The following GLG1 variants were observed in gnomAD, a reference collection of about 807,000 sequenced individuals.
GLG1 encodes golgi glycoprotein 1.
A neutral mutation model predicts 160.5 loss-of-function variants in GLG1; 38 were observed. The ratio of observed to expected loss-of-function variants is 0.24; its 90% CI spans 0.18 to 0.31. GLG1 has a LOEUF of 0.31. Ranked by LOEUF, GLG1 falls within the 10% of genes least tolerant of loss-of-function variation. GLG1 has a pLI of 1.00. For missense variants in GLG1, 1,373 were observed against 1,505.2 expected (o/e 0.91, Z 1.45); for synonymous variants, 644 against 543.4 (o/e 1.19, Z -2.57).
intron 1 of GLG1, among the ~76,000 whole-genome samples, chr16:74,596,098 G>A (rs1958295954): frequency 6.6e-6 from 1 of 152,112 alleles, no homozygotes; most frequent in South Asian, 2.1e-4. Flanking sequence ...TCCTTTGATA[G>A]GCAGTATTCC....
intron 1 of GLG1, among the ~76,000 whole-genome samples, chr16:74,598,792 G>A (rs979581001): frequency 2.0e-5 from 3 of 151,718 alleles, no homozygotes; most frequent in Non-Finnish European, 2.9e-5. Context: ...GCTGAGGCAG[G>A]AGAATGGCTT....
chr16:74,466,962 G>C (rs907959123), intron 18 of GLG1, among the ~76,000 whole-genome samples: 2 of 152,222 alleles, frequency 1.3e-5, no homozygotes, highest in Non-Finnish European at 2.9e-5. Context: ...AAAGAGCAAT[G>C]ACTGAGAATG....
rs574991441 is a variant in GLG1 at position 74,486,045 on chromosome 16, G to T, written c.1450-128C>A. Reference sequence around the variant, plus strand: ...TACTCCAATAAAGTTGTCTACAGTTGTCACTAGCCAAGCTCAAGAGCATTT... The same window carrying T: ...TACTCCAATAAAGTTGTCTACAGTTTTCACTAGCCAAGCTCAAGAGCATTT... On this transcript the variant is annotated intron_variant, in intron 8 of 25. Transcript: ENST00000422840. 5 of 661,588 alleles carry T rather than the reference G, an allele frequency of 7.6e-6. 1 individual carries two copies. Among genetic ancestry groups the T allele is most frequent in the Non-Finnish European group, 1.3e-5 (5 of 393,732 alleles). 41.0% of individuals were successfully genotyped at this position (661,588 alleles called of 1,614,324 possible).
chr16:74,496,084 C>T (rs183872298), intron 5 of GLG1, among the ~76,000 whole-genome samples: 3 of 152,246 alleles, frequency 2.0e-5, no homozygotes, highest in Non-Finnish European at 4.4e-5. Context: ...GGCAATACAG[C>T]AATGCCCCAT....
chr16:74,453,453 G>A lies in GLG1; in HGVS notation c.3373-119C>T, dbSNP rs968775136. On this transcript the variant is annotated intron_variant, in intron 25 of 25. Coordinates refer to ENST00000422840, the MANE Select transcript of GLG1 (RefSeq NM_001145667.2). Reference sequence around the variant, plus strand: ...TTATGTCTTTTCTTTTGGAGAGGGAGGGCAGGAGATAAGAAAAATCAACAC... The same window carrying A: ...TTATGTCTTTTCTTTTGGAGAGGGAAGGCAGGAGATAAGAAAAATCAACAC... The A allele has an allele frequency of 1.7e-4, 109 of 646,632 alleles. 1 individual carries two copies. Among genetic ancestry groups the A allele is most frequent in the African/African-American group, 1.6e-3 (89 of 54,556 alleles). 40.1% of individuals were successfully genotyped at this position (646,632 alleles called of 1,614,324 possible). A position where few individuals can be genotyped will look rare whatever the true frequency, so the allele number is the denominator to read the frequency against.
rs373268700 is a variant in GLG1 at position 74,554,396 on chromosome 16, C to T, written c.439-22243G>A. ...TAAAAATACAAAAATTAGCTAGGCG[C>T]GGTGGTGGGCGCCTGTAACCCCAGG... is the stretch of plus-strand genomic sequence containing the variant. On this transcript the variant is annotated intron_variant, in intron 1 of 25. Transcript: ENST00000422840. 3.7e-4 allele frequency among the ~76,000 whole-genome samples: 56 copies of T among 152,246 alleles called. No homozygotes were observed. In the East Asian group the frequency reaches 8.5e-3, roughly 23 times the overall value.
intron 1 of GLG1, among the ~76,000 whole-genome samples, chr16:74,603,988 A>C (rs1958505165): frequency 6.6e-6 from 1 of 151,818 alleles, no homozygotes; most frequent in Non-Finnish European, 1.5e-5. Flanking sequence ...GAGCGTTAAA[A>C]AAAAAAAAAA....
intron 1 of GLG1, among the ~76,000 whole-genome samples, chr16:74,590,768 G>A (rs1395121674): frequency 1.4e-5 from 2 of 142,096 alleles, no homozygotes; most frequent in East Asian, 4.1e-4. Flanking sequence ...CTGTACTCCA[G>A]CCTGGGCAAC....
In GLG1 at chr16:74,456,775, A is replaced by G. The variant is rs748760801; in HGVS notation, c.3266-20T>C. On this transcript the variant is annotated intron_variant, in intron 24 of 25. Coordinates refer to ENST00000422840, the MANE Select transcript of GLG1 (RefSeq NM_001145667.2). ...ACATTTCTGTGGGAGGAAATGAATA[A>G]TAAGAAGAACCTGAAACTGTACAGA... 4.3e-6 allele frequency: 6 copies of G among 1,401,844 alleles called. No individual in the cohort carries two copies. The Admixed American group carries it at 5.0e-5, about 12-fold the overall frequency. The allele number at this position is 1,401,844 out of a possible 1,614,324, so 86.8% of individuals were successfully genotyped here.
intron 5 of GLG1, 83 bp downstream of exon 5, chr16:74,496,358 A>C: frequency 1.0e-6 from 1 of 989,716 alleles, no homozygotes. Flanking sequence ...CTCTCAAAAA[A>C]CAACACAATT....
chr16:74,457,106 G>T (rs552041197), intron 24 of GLG1, among the ~76,000 whole-genome samples: 33 of 152,206 alleles, frequency 2.2e-4, no homozygotes, highest in South Asian at 6.2e-4. Flanking sequence ...AAATTAAAAC[G>T]AAAACAGGCT....
intron 1 of GLG1, among the ~76,000 whole-genome samples, chr16:74,576,343 G>C (rs988992411): frequency 1.3e-5 from 2 of 152,068 alleles, no homozygotes; most frequent in Non-Finnish European, 2.9e-5. Context: ...AGAGAATACA[G>C]CCAAACATTT....
chr16:74,519,548 CTA>C (rs148079930), intron 2 of GLG1, among the ~76,000 whole-genome samples: 18,620 of 134,250 alleles, frequency 0.14, 1,554 homozygotes, highest in Admixed American at 0.28. Flanking sequence ...TAATAAATGA[CTA>C]TGTTACTGGT....
At chr16:74,574,756 C>G (rs1024098903) in intron 1 of GLG1, among the ~76,000 whole-genome samples, 1 of 151,106 alleles carries the variant, frequency 6.6e-6, no homozygotes, top group Middle Eastern at 3.4e-3. Flanking sequence ...TGGTGGTGCA[C>G]ACCTGTAGTC....
chr16:74,533,391 C>T (rs1479118728), intron 1 of GLG1, among the ~76,000 whole-genome samples: 1 of 152,196 alleles, frequency 6.6e-6, no homozygotes, highest in Admixed American at 6.5e-5. Flanking sequence ...CTAGGTTTCA[C>T]GTAGTATTAC....
At chr16:74,540,531 G>A (rs2017832600) in intron 1 of GLG1, among the ~76,000 whole-genome samples, 1 of 151,658 alleles carries the variant, frequency 6.6e-6, no homozygotes, top group South Asian at 2.1e-4. Context: ...ATCTGGGACT[G>A]CCTAACATTT....
chr16:74,460,945 C>A (rs1384581246), intron 22 of GLG1, among the ~76,000 whole-genome samples: 1 of 152,258 alleles, frequency 6.6e-6, no homozygotes, highest in Non-Finnish European at 1.5e-5. Context: ...CGTACCCGCA[C>A]ACACACGCAC....
intron 2 of GLG1, among the ~76,000 whole-genome samples, chr16:74,515,189 T>C (rs904199810): frequency 1.3e-5 from 2 of 152,038 alleles, no homozygotes; most frequent in African/African-American, 4.8e-5. Context: ...TCTCACACAA[T>C]AATAATGGGA....
In GLG1 at chr16:74,486,914, CT is replaced by C. The variant is rs202014472; in HGVS notation, c.1450-998del. 1.2e-3 allele frequency among the ~76,000 whole-genome samples: 168 copies of C among 143,104 alleles called. 1 individual carries two copies. Among genetic ancestry groups the C allele is most frequent in the Middle Eastern group, 3.8e-3 (1 of 266 alleles). The allele number at this position is 143,104 out of a possible 152,430, so 93.9% of individuals were successfully genotyped here. ...GCAGATGGTGTTTTGGGGTAGAAAT[CT>C]TTTTTTTTTCCCCCCCGAGACAGAG... On this transcript the variant is annotated intron_variant, in intron 8 of 25. Coordinates refer to ENST00000422840, the MANE Select transcript of GLG1 (RefSeq NM_001145667.2).
Sources: gnomAD v4.1 joint callset for allele counts (sites outside exome capture counted in the v4.1 genomes callset) on GRCh38, gnomAD v4.1.1 for gene constraint, MANE v1.5 for transcripts, NCBI Gene and HGNC (gene_info 2026-07-23, HGNC 2026-07-21) for gene names.